The following EDARADD variants were observed in gnomAD, a reference collection of about 807,000 sequenced individuals.
EDARADD encodes EDAR associated via death domain.
Under a neutral mutation model 25.6 loss-of-function variants are expected in EDARADD, and 20 were observed. The ratio of observed to expected loss-of-function variants is 0.78; its 90% confidence interval spans 0.55 to 1.14. EDARADD has a LOEUF of 1.14. Among genes scored for constraint, EDARADD ranks in the 50% most tolerant of loss-of-function variants. The pLI is 0.00. For missense variants in EDARADD, 225 were observed against 270.1 expected (o/e 0.83, Z 1.17); for synonymous variants, 86 against 94.4 (o/e 0.91, Z 0.52).
intron 1 of EDARADD, among the ~76,000 whole-genome samples, chr1:236,401,659 T>C (rs1385964939): frequency 6.6e-6 from 1 of 152,136 alleles, no homozygotes; most frequent in Non-Finnish European, 1.5e-5. Flanking sequence ...TGATTAACGC[T>C]TTTGGGGATG....
At chr1:236,467,533 A>G (rs1406945526) in intron 4 of EDARADD, among the ~76,000 whole-genome samples, 1 of 151,968 alleles carries the variant, frequency 6.6e-6, no homozygotes, top group Non-Finnish European at 1.5e-5. Context: ...ATGGAGCCCT[A>G]ATCAGAAGGG....
At chr1:236,481,569 C>T (rs1346943021) in intron 5 of EDARADD, among the ~76,000 whole-genome samples, 2 of 148,670 alleles carry the variant, frequency 1.3e-5, no homozygotes, top group African/African-American at 5.0e-5. Context: ...TCAAGACCAG[C>T]CTGGGAAACA....
rs532117701 is a variant in EDARADD, at chr1:236,427,534, T to A, written c.219+84T>A. On this transcript the variant is annotated intron_variant, in intron 4 of 5. Coordinates refer to ENST00000334232, the MANE Select transcript of EDARADD (RefSeq NM_145861.4). ...TTTGAGATTTATAGAGTTTTACAAA[T>A]AAAAAATGAAAAACAGGATTTCTAG... 31 of 1,322,516 alleles carry A rather than the reference T, an allele frequency of 2.3e-5. No homozygotes were observed. The African/African-American group carries it at 3.0e-4, about 13-fold the overall frequency. The allele number at this position is 1,322,516 out of a possible 1,614,324, so 81.9% of individuals were successfully genotyped here. A position where few individuals can be genotyped will look rare whatever the true frequency, so the allele number is the denominator to read the frequency against.
Position 236,447,414 on chromosome 1 carries a change from G to A in EDARADD, c.219+19964G>A, listed in dbSNP as rs115387054. 5.2e-3 allele frequency among the ~76,000 whole-genome samples: 790 copies of A among 151,948 alleles called. 8 individuals carry two copies. Among genetic ancestry groups the A allele is most frequent in the African/African-American group, 0.018 (749 of 41,426 alleles). On this transcript the variant is annotated intron_variant, in intron 4 of 5. Coordinates refer to ENST00000334232, the MANE Select transcript of EDARADD (RefSeq NM_145861.4). ...TGAGATTACAGGCACGTGCCGCCACGCCTGGCTAATTTTGTGTTATTAGTA... is the reference window on the plus strand; with the variant it reads ...TGAGATTACAGGCACGTGCCGCCACACCTGGCTAATTTTGTGTTATTAGTA...
At chr1:236,370,148 C>A (rs539904351) in intron 3 of EDARADD, among the ~76,000 whole-genome samples, 2 of 152,156 alleles carry the variant, frequency 1.3e-5, no homozygotes, top group African/African-American at 4.8e-5. Context: ...TGGCCAGGCA[C>A]GGTGGCTCAC....
chr1:236,399,516 G>A (rs933455395), intron 1 of EDARADD, among the ~76,000 whole-genome samples: 99 of 152,236 alleles, frequency 6.5e-4, no homozygotes, highest in African/African-American at 2.4e-3. Flanking sequence ...AATTTTAAGT[G>A]ACTTTTTACA....
chr1:236,436,940 A>G (rs1658269999), intron 4 of EDARADD, among the ~76,000 whole-genome samples: 1 of 152,232 alleles, frequency 6.6e-6, no homozygotes, highest in Non-Finnish European at 1.5e-5. Context: ...AGATTGCCAG[A>G]TGGTAGATGG....
At position 236,482,749 on chromosome 1, in the gene EDARADD, C is replaced by G; in HGVS notation, c.*100C>G. ...GTTTTATAAGAGTTTAGGACAAGGA[C>G]GTGGAACAGTGGACACTGGTTTTCC... On this transcript the variant is annotated 3_prime_UTR_variant, in exon 6 of 6. Transcript: ENST00000334232. 6.4e-7 allele frequency: 1 copy of G among 1,565,450 alleles called. No individual in the cohort carries two copies. Among genetic ancestry groups the G allele is most frequent in the South Asian group, 1.1e-5 (1 of 89,076 alleles).
At chr1:236,375,161 T>A (rs1667212362) in intron 3 of EDARADD, among the ~76,000 whole-genome samples, 1 of 152,152 alleles carries the variant, frequency 6.6e-6, no homozygotes, top group Non-Finnish European at 1.5e-5. Context: ...AGCAGCATTA[T>A]ACCATTACAC....
chr1:236,441,007 A>T (rs1349399797), intron 4 of EDARADD, among the ~76,000 whole-genome samples: 2 of 152,148 alleles, frequency 1.3e-5, no homozygotes, highest in African/African-American at 4.8e-5. Context: ...AGAGGAAGGC[A>T]TATCAAAAGC....
At chr1:236,364,220 C>T (rs583411) in intron 3 of EDARADD, among the ~76,000 whole-genome samples, 52,296 of 152,022 alleles carry the variant, frequency 0.34, 9,246 homozygotes, top group African/African-American at 0.42. Context: ...CAACAGTTTT[C>T]ATTTTATAGC....
rs535105739 is a variant in EDARADD, at chr1:236,484,555, G to C, written c.*1906G>C. On this transcript the variant is annotated 3_prime_UTR_variant, in exon 6 of 6. Coordinates refer to ENST00000334232, the MANE Select transcript of EDARADD (RefSeq NM_145861.4). The surrounding 1 kb of genome is among the most constrained non-coding windows in gnomAD (Gnocchi z 4.1). ...AACTCCGGCAGCTCAAGACCCCCGA[G>C]CAACATTTGTAGGGGCCGCTGCTAG... 620 of 1,122,162 alleles carry C rather than the reference G, an allele frequency of 5.5e-4. 5 individuals carry two copies. The African/African-American group carries it at 8.5e-3, about 15-fold the overall frequency. 69.5% of individuals were successfully genotyped at this position (1,122,162 alleles called of 1,614,324 possible). A position where few individuals can be genotyped will look rare whatever the true frequency, so the allele number is the denominator to read the frequency against.
intron 4 of EDARADD, among the ~76,000 whole-genome samples, chr1:236,454,525 A>T (rs1658803516): frequency 6.6e-6 from 1 of 152,172 alleles, no homozygotes; most frequent in Non-Finnish European, 1.5e-5. Flanking sequence ...TGTCATCCAG[A>T]ACTAGAGCAG....
intron 1 of EDARADD, among the ~76,000 whole-genome samples, chr1:236,394,792 C>G (rs1667484437): frequency 6.6e-6 from 1 of 152,106 alleles, no homozygotes. Flanking sequence ...TCTTCATAAC[C>G]AATTCCAACG....
chr1:236,402,532 G>C (rs139063401), intron 1 of EDARADD, among the ~76,000 whole-genome samples: 1,677 of 152,264 alleles, frequency 0.011, 20 homozygotes, highest in Admixed American at 0.018. Context: ...ACTCCAGCCT[G>C]GGTGAGAGAG....
chr1:236,353,978 G>T (rs577600229), intron 3 of EDARADD, among the ~76,000 whole-genome samples: 1 of 152,204 alleles, frequency 6.6e-6, no homozygotes, highest in South Asian at 2.1e-4. Context: ...TTCATTTAAA[G>T]CTCGTTAGTT....
chr1:236,419,982 A>G (rs190675720), intron 3 of EDARADD, among the ~76,000 whole-genome samples: 72 of 152,292 alleles, frequency 4.7e-4, no homozygotes, highest in African/African-American at 1.7e-3. Context: ...GTTCCAGACC[A>G]GCCTGGTCAA....
intron 3 of EDARADD, among the ~76,000 whole-genome samples, chr1:236,417,498 A>G (rs957450263): frequency 1.3e-5 from 2 of 152,180 alleles, no homozygotes; most frequent in Non-Finnish European, 2.9e-5. Flanking sequence ...ATGTGTTGAT[A>G]TAAATTATAT....
chr1:236,467,979 G>A (rs140420342), intron 4 of EDARADD, among the ~76,000 whole-genome samples: 2 of 152,198 alleles, frequency 1.3e-5, no homozygotes, highest in East Asian at 3.9e-4. Flanking sequence ...TGTCTGCTGT[G>A]TATCAAGCAC....
Sources: gnomAD v4.1 joint callset for allele counts (sites outside exome capture counted in the v4.1 genomes callset) on GRCh38, gnomAD v4.1.1 for gene constraint, Gnocchi (gnomAD v3.1) non-coding constraint, MANE v1.5 for transcripts, NCBI Gene and HGNC (gene_info 2026-07-23, HGNC 2026-07-21) for gene names.